The following PLCZ1 variants were observed in gnomAD, a reference collection of about 807,000 sequenced individuals.
PLCZ1 encodes the protein 1-phosphatidylinositol 4,5-bisphosphate phosphodiesterase zeta-1.
Under a neutral mutation model 76.8 loss-of-function variants are expected in PLCZ1, and 64 were observed. The observed-to-expected ratio is 0.83, with a 90% CI of 0.68 to 1.03. PLCZ1 has a LOEUF of 1.03. PLCZ1 is among the 50% of genes least tolerant of loss of function. The probability of loss-of-function intolerance (pLI) is 0.00; values close to 1 mark genes in which losing one functional copy is unlikely to be tolerated. For missense variants in PLCZ1, 751 were observed against 713.7 expected (o/e 1.05, Z -0.60); for synonymous variants, 248 against 230.8 (o/e 1.07, Z -0.68).
the PLCZ1 span, among the ~76,000 whole-genome samples, chr12:18,673,739 A>C: frequency 6.6e-6 from 1 of 152,196 alleles, no homozygotes; most frequent in Non-Finnish European, 1.5e-5. Flanking sequence ...CTGACTTCTC[A>C]TCAGGGGAAG....
the PLCZ1 span, among the ~76,000 whole-genome samples, chr12:18,654,998 G>A: frequency 6.6e-6 from 1 of 151,630 alleles, no homozygotes; most frequent in Admixed American, 6.6e-5. Flanking sequence ...ATAAGAAGCT[G>A]AATAAAAAGT....
At chr12:18,710,015 C>A (rs1417928556) in intron 6 of PLCZ1, among the ~76,000 whole-genome samples, 1 of 151,740 alleles carries the variant, frequency 6.6e-6, no homozygotes, top group Non-Finnish European at 1.5e-5. Flanking sequence ...TGTTCTGCAA[C>A]TTTACTGAAT....
intron 2 of PLCZ1, chr12:18,736,556 A>C: frequency 7.9e-7 from 1 of 1,270,282 alleles, no homozygotes; most frequent in East Asian, 3.6e-5. Flanking sequence ...TAGCACAGTA[A>C]AAATACAAAA....
At chr12:18,737,759 C>T (rs1959561402) in intron 1 of PLCZ1, 173 bp downstream of exon 1, 1 of 356,596 alleles carries the variant, frequency 2.8e-6, no homozygotes, top group African/African-American at 2.1e-5. Flanking sequence ...TTTGTTTAAA[C>T]CCCTCAAACC....
At chr12:18,703,641 T>C (rs971810810) in intron 7 of PLCZ1, among the ~76,000 whole-genome samples, 1 of 152,162 alleles carries the variant, frequency 6.6e-6, no homozygotes, top group Non-Finnish European at 1.5e-5. Flanking sequence ...CCGTAGCCAA[T>C]CAAATCTTAA....
rs545346738 is a variant in PLCZ1, at chr12:18,733,543, A to G, written c.135+2678T>C. ...AATCATATCTAAGAAATTCTTGCCAAGCCCAATGTCAAAAAGCTTTTTTCC... is the reference window on the plus strand; with the variant it reads ...AATCATATCTAAGAAATTCTTGCCAGGCCCAATGTCAAAAAGCTTTTTTCC... On this transcript the variant is annotated intron_variant, in intron 3 of 14. Coordinates refer to ENST00000266505, the MANE Select transcript of PLCZ1 (RefSeq NM_033123.4). Among the ~76,000 whole-genome samples, 14 of 152,286 alleles carry G rather than the reference A, an allele frequency of 9.2e-5. No individual in the cohort carries two copies. In the South Asian group the frequency reaches 2.3e-3, roughly 25 times the overall value.
intron 3 of PLCZ1, chr12:18,730,866 C>T (rs549874832): frequency 6.6e-5 from 10 of 152,108 alleles, no homozygotes; most frequent in South Asian, 4.2e-4. Flanking sequence ...TTTAATAAAT[C>T]GAGAAGCAAT....
chr12:18,704,671 T>C (rs1277207443), intron 7 of PLCZ1, among the ~76,000 whole-genome samples: 2 of 152,022 alleles, frequency 1.3e-5, no homozygotes, highest in African/African-American at 4.8e-5. Flanking sequence ...AGAAGTGAAG[T>C]CCTGATGGTA....
In PLCZ1 at chr12:18,719,524, T is replaced by C. The variant is rs1313879966; in HGVS notation, c.476A>G (p.His159Arg). ...ECRKVYQDMT[H>R]PLNDYFISSS... ...TGAAATAAAATAATCATTTAATGGA[T>C]GAGTCATATCTTGATAAACTTTTCT... Residue 159 changes from histidine (H) to arginine (R), a missense_variant, in exon 5 of 15, where the codon CAT becomes CGT. His to Arg is a conservative substitution (Grantham distance 29). Coordinates refer to ENST00000266505, the MANE Select transcript of PLCZ1 (RefSeq NM_033123.4). 1 of 1,586,748 alleles carries C rather than the reference T, an allele frequency of 6.3e-7. No homozygotes were observed. Among genetic ancestry groups the C allele is most frequent in the Non-Finnish European group, 8.6e-7 (1 of 1,162,502 alleles).
At chr12:18,700,538 A>AAAAAG (rs1370935394) in intron 9 of PLCZ1, among the ~76,000 whole-genome samples, 31 of 135,890 alleles carry the variant, frequency 2.3e-4, no homozygotes, top group African/African-American at 4.6e-4. Flanking sequence ...AAAAAAAAAT[A>AAAAAG]GTTGCTCTGC....
chr12:18,714,201 C>T (rs1200596690), intron 5 of PLCZ1, among the ~76,000 whole-genome samples: 1 of 152,106 alleles, frequency 6.6e-6, no homozygotes, highest in African/African-American at 2.4e-5. Flanking sequence ...ATAGTTATAG[C>T]GTTAAGATAA....
At chr12:18,650,360 T>A in the PLCZ1 span, among the ~76,000 whole-genome samples, 2 of 138,822 alleles carry the variant, frequency 1.4e-5, no homozygotes, top group Non-Finnish European at 3.1e-5. Flanking sequence ...TGTGTGTGTG[T>A]GTGTGTGTGT....
At chr12:18,700,373 G>A (rs2137246084) in intron 9 of PLCZ1, among the ~76,000 whole-genome samples, 1 of 151,764 alleles carries the variant, frequency 6.6e-6, no homozygotes, top group East Asian at 1.9e-4. Flanking sequence ...CCCAAGTTTT[G>A]TTTTGGGAAA....
intron 13 of PLCZ1, among the ~76,000 whole-genome samples, chr12:18,687,058 C>G (rs1332026852): frequency 6.6e-6 from 1 of 152,050 alleles, no homozygotes; most frequent in Non-Finnish European, 1.5e-5. Flanking sequence ...GTTACTATCT[C>G]TGGACACAGC....
intron 3 of PLCZ1, among the ~76,000 whole-genome samples, chr12:18,729,271 C>T (rs762141068): frequency 6.6e-5 from 10 of 152,000 alleles, no homozygotes; most frequent in Non-Finnish European, 1.5e-4. Context: ...TTTCCACATA[C>T]TCCATACATA....
intron 12 of PLCZ1, among the ~76,000 whole-genome samples, chr12:18,690,379 ATGCC>A (rs1402865080): frequency 1.3e-5 from 2 of 152,052 alleles, no homozygotes; most frequent in Admixed American, 6.6e-5. Context: ...GGATGCCACC[ATGCC>A]CAGCTAAGTT....
chr12:18,726,782 T>G (rs1180995915), intron 3 of PLCZ1, among the ~76,000 whole-genome samples: 1 of 152,142 alleles, frequency 6.6e-6, no homozygotes, highest in Non-Finnish European at 1.5e-5. Context: ...GTATCTAAAA[T>G]TACACTAAAA....
intron 13 of PLCZ1, among the ~76,000 whole-genome samples, chr12:18,687,043 C>G (rs1953254994): frequency 6.6e-6 from 1 of 152,072 alleles, no homozygotes; most frequent in African/African-American, 2.4e-5. Context: ...TTCATGACAT[C>G]AGCAGTTACT....
At chr12:18,724,206 C>CA (rs1401339641) in intron 3 of PLCZ1, among the ~76,000 whole-genome samples, 1 of 151,962 alleles carries the variant, frequency 6.6e-6, no homozygotes, top group African/African-American at 2.4e-5. Context: ...TAGAGAACTG[C>CA]AGGTAAGAGC....
Sources: allele counts gnomAD v4.1 joint callset (sites outside exome capture counted in the v4.1 genomes callset), GRCh38; gene constraint gnomAD v4.1.1; transcripts MANE v1.5; gene names NCBI Gene and HGNC (gene_info 2026-07-23, HGNC 2026-07-21).